The following EIF2D variants were observed in gnomAD, a reference collection of about 807,000 sequenced individuals.
EIF2D encodes hepatocellular carcinoma-associated antigen 56.
Under a neutral mutation model 77.4 loss-of-function variants are expected in EIF2D, and 56 were observed. The observed-to-expected ratio is 0.72, with a 90% CI of 0.58 to 0.90. EIF2D has a LOEUF of 0.90. Ranked by LOEUF, EIF2D falls within the 40% of genes least tolerant of loss-of-function variation. EIF2D has a pLI of 0.00. For missense variants in EIF2D, 574 were observed against 706.5 expected (o/e 0.81, Z 2.13); for synonymous variants, 230 against 271.0 (o/e 0.85, Z 1.49).
rs1180093474 is a variant in EIF2D, at chr1:206,591,654, T to C, written c.*121A>G. 8.6e-6 allele frequency: 8 copies of C among 927,914 alleles called. No individual in the cohort carries two copies. In the East Asian group the frequency reaches 2.1e-4, roughly 24 times the overall value. 57.5% of individuals were successfully genotyped at this position (927,914 alleles called of 1,614,324 possible). A position where few individuals can be genotyped will look rare whatever the true frequency, so the allele number is the denominator to read the frequency against. ...GAGGGAAGTCAGATTTAGATTAGAA[T>C]AAAAATTTATTTTTGTAAAGAATTA... On this transcript the variant is annotated 3_prime_UTR_variant, in exon 15 of 15. Transcript: ENST00000271764.
In EIF2D at chr1:206,584,995, T is replaced by G; in HGVS notation, c.139-3833A>C. On this transcript the variant is annotated intron_variant and NMD_transcript_variant, in intron 2 of 5. Transcript: ENST00000472709. This position sits in a 1 kb window ranked among gnomAD's most constrained non-coding sequence, Gnocchi z 4.9. ...GTGAATGGAATCATGCTTTAAACTC[T>G]GAGCAGACACCCAAGATAAAAGGTT... 3.2e-6 allele frequency: 2 copies of G among 619,860 alleles called. No individual in the cohort carries two copies. The highest frequency in any genetic ancestry group is 5.4e-5 in the East Asian group (2 of 37,004). 38.4% of individuals were successfully genotyped at this position (619,860 alleles called of 1,614,324 possible).
At chr1:206,604,820 C>T (rs1433852702) in intron 5 of EIF2D, 1 of 151,684 alleles carries the variant, frequency 6.6e-6, no homozygotes, top group African/African-American at 2.4e-5. Context: ...CAATACTTGG[C>T]TAAATGTGTG....
chr1:206,593,508 AGTGTGT>A (rs782562616), intron 14 of EIF2D, 105 bp downstream of exon 14: 673 of 400,988 alleles, frequency 1.7e-3, no homozygotes, highest in Non-Finnish European at 2.2e-3. Context: ...AGAGAGAGAG[AGTGTGT>A]GTGTGTGTGT....
In EIF2D at chr1:206,599,055, T is replaced by C. The variant is rs1423487635; in HGVS notation, c.1240A>G (p.Ile414Val). 1 of 1,614,078 alleles carries C rather than the reference T, an allele frequency of 6.2e-7. No individual in the cohort carries two copies. Among genetic ancestry groups the C allele is most frequent in the African/African-American group, 1.3e-5 (1 of 74,914 alleles). Reference protein sequence around the residue: ...SFLEGSEVRTIVINYAKKNDL... With the variant: ...SFLEGSEVRTVVINYAKKNDL... The stretch of plus-strand genomic sequence containing the variant: ...TTTTTCTTGGCGTAGTTAATGACGA[T>C]CGTTCGGACCTCACTGCCCTCCAGA... Residue 414 changes from isoleucine to valine, a missense_variant, in exon 11 of 15, where the codon ATC (isoleucine) becomes GTC (valine). Transcript: ENST00000271764. The surrounding 1 kb of genome is among the most constrained non-coding windows in gnomAD (Gnocchi z 4.1).
chr1:206,596,484 G>A (rs1306982452), intron 12 of EIF2D, among the ~76,000 whole-genome samples: 1 of 152,138 alleles, frequency 6.6e-6, no homozygotes, highest in Admixed American at 6.5e-5. Context: ...ACAAAAACAG[G>A]TGGCAGGCCA....
At position 206,605,495 on chromosome 1, in the gene EIF2D, G is replaced by A. The variant is rs1553412489; in HGVS notation, c.435C>T (p.Ala145=). The change falls in exon 5 of 15, where the codon GCC becomes GCT. Residue 145 remains alanine, a synonymous_variant. Coordinates refer to ENST00000271764, the MANE Select transcript of EIF2D (RefSeq NM_006893.3). ...CTGTGGACATGGCTGCAACTCCAAT[G>A]GCTACAGGGGCTCTAAGAAGAAGGA... is the stretch of plus-strand genomic sequence containing the variant. The part of the protein sequence containing the change: ...ISLVGNRAPV[A]IGVAAMSTAE... 6.2e-7 allele frequency: 1 copy of A among 1,613,968 alleles called. No homozygotes were observed.
chr1:206,600,250 G>A lies in EIF2D; in HGVS notation c.948+13C>T. 6.2e-7 allele frequency: 1 copy of A among 1,613,608 alleles called. No individual in the cohort carries two copies. The highest frequency in any genetic ancestry group is 8.5e-7 in the Non-Finnish European group (1 of 1,179,564). On this transcript the variant is annotated intron_variant, in intron 8 of 14. Transcript: ENST00000271764. ...ACTCTCTGCATGGGTCTGCAAAGAA[G>A]ATCCTTGCTTACCTTTTTGTAGCTT...
intron 14 of EIF2D, 113 bp downstream of exon 14, chr1:206,593,506 A>AGTGTGTGTGTGCGTGC: frequency 6.8e-6 from 3 of 441,294 alleles, no homozygotes; most frequent in South Asian, 1.1e-4. Context: ...AGAGAGAGAG[A>AGTGTGTGTGTGCGTGC]GAGTGTGTGT....
In EIF2D at chr1:206,599,842, G is replaced by A. The variant is rs1669833621; in HGVS notation, c.949-6C>T. 2 of 1,613,590 alleles carry A rather than the reference G, an allele frequency of 1.2e-6. No homozygotes were observed. The highest frequency in any genetic ancestry group is 2.2e-5 in the South Asian group (2 of 90,996). On this transcript the variant is annotated splice_polypyrimidine_tract_variant and splice_region_variant and intron_variant, in intron 8 of 14. Coordinates refer to ENST00000271764, the MANE Select transcript of EIF2D (RefSeq NM_006893.3). This position sits in a 1 kb window ranked among gnomAD's most constrained non-coding sequence, Gnocchi z 4.1. ...TGCTGCAGGAACTTAGAGAGCTAAG[G>A]GAGAGAGGGCCAGTGGTAGGGGACT...
intron 2 of EIF2D, among the ~76,000 whole-genome samples, chr1:206,582,031 G>GA (rs1558522849): frequency 6.6e-6 from 1 of 152,176 alleles, no homozygotes; most frequent in African/African-American, 2.4e-5. Context: ...TACCAAAGGA[G>GA]AATCCTGATC....
chr1:206,607,215 A>T (rs1670242181), intron 4 of EIF2D, among the ~76,000 whole-genome samples: 1 of 152,194 alleles, frequency 6.6e-6, no homozygotes, highest in African/African-American at 2.4e-5. Flanking sequence ...AAGAAAAATT[A>T]AAAAAAGAAA....
chr1:206,576,708 A>T (rs947248168), intron 4 of EIF2D, among the ~76,000 whole-genome samples: 6 of 152,180 alleles, frequency 3.9e-5, no homozygotes, highest in African/African-American at 1.2e-4. Flanking sequence ...CTACATAGAG[A>T]AGGTGGAACT....
At chr1:206,600,148 G>A in intron 8 of EIF2D, 115 bp downstream of exon 8, 1 of 1,103,498 alleles carries the variant, frequency 9.1e-7, no homozygotes, top group Non-Finnish European at 1.3e-6. Context: ...GAGTCAAAAA[G>A]CTTAATTCTA....
In EIF2D at chr1:206,584,652, C is replaced by T. The variant is rs782205958; in HGVS notation, c.139-3490G>A. On this transcript the variant is annotated intron_variant and NMD_transcript_variant, in intron 2 of 5. Transcript: ENST00000472709. The surrounding 1 kb of genome is among the most constrained non-coding windows in gnomAD (Gnocchi z 4.9). ...GTTGTGGACAATCCCCAGAAGTTTG[C>T]ACTTTTTAAGCGGATACACAAGGAC... 13 of 1,614,190 alleles carry T rather than the reference C, an allele frequency of 8.1e-6. No homozygotes were observed. The highest frequency in any genetic ancestry group is 1.1e-5 in the Non-Finnish European group (13 of 1,180,036).
chr1:206,602,059 G>C (rs1292113351), intron 7 of EIF2D: 2 of 382,254 alleles, frequency 5.2e-6, no homozygotes, highest in African/African-American at 4.1e-5. Context: ...CCCCACGGCA[G>C]AGGCAGTGTT....
intron 4 of EIF2D, 75 bp downstream of exon 4, chr1:206,608,161 A>T: frequency 7.1e-7 from 1 of 1,416,502 alleles, no homozygotes; most frequent in South Asian, 1.2e-5. Context: ...CATATGCTTT[A>T]TAAGTTGTCA....
chr1:206,605,370 T>G (rs782412289), intron 5 of EIF2D, 30 bp downstream of exon 5: 8 of 1,588,056 alleles, frequency 5.0e-6, no homozygotes, highest in Non-Finnish European at 6.9e-6. Context: ...GCCCCGGTTC[T>G]CTGTAAAACA....
chr1:206,609,435 T>C lies in EIF2D; in HGVS notation c.272A>G (p.Asp91Gly). 6.2e-7 allele frequency: 1 copy of C among 1,614,180 alleles called. No homozygotes were observed. The highest frequency in any genetic ancestry group is 2.2e-5 in the East Asian group (1 of 44,888). ...CCATGTTGTAAAGGTTGGCAGAAGA[T>C]CAGGATAGGACCACAGCGTGTACAC... ...PTVYTLWSYP[D>G]LLPTFTTWPL... is the part of the protein sequence containing the mutation. The change falls in exon 3 of 15, where the codon GAT becomes GGT. Residue 91 changes from aspartate to glycine, a missense_variant. Physicochemically the swap from Asp to Gly is moderately conservative, Grantham distance 94. Coordinates refer to ENST00000271764, the MANE Select transcript of EIF2D (RefSeq NM_006893.3).
At chr1:206,600,381 G>C in intron 7 of EIF2D, 73 bp from the exon 8 acceptor site, 1 of 1,444,124 alleles carries the variant, frequency 6.9e-7, no homozygotes, top group South Asian at 1.2e-5. Context: ...CTGAGAGGAG[G>C]GCCTTTTTCC....
Sources: allele counts gnomAD v4.1 joint callset (sites outside exome capture counted in the v4.1 genomes callset), GRCh38; gene constraint gnomAD v4.1.1; non-coding constraint Gnocchi (gnomAD v3.1); transcripts MANE v1.5; gene names NCBI Gene and HGNC (gene_info 2026-07-23, HGNC 2026-07-21).